The following NRXN3 variants were observed in gnomAD, a reference collection of about 807,000 sequenced individuals.
NRXN3 encodes the protein neurexin 3, also known as neurexin III.
In NRXN3, 32 loss-of-function variants were observed where a neutral mutation model predicts 137.6. The observed-to-expected ratio is 0.23, with a 90% CI of 0.18 to 0.31. The LOEUF is 0.31. Ranked by LOEUF, NRXN3 falls within the 10% of genes least tolerant of loss-of-function variation. NRXN3 has a pLI of 1.00. For missense variants in NRXN3, 1,574 were observed against 2,062.5 expected (o/e 0.76, Z 4.59); for synonymous variants, 798 against 784.5 (o/e 1.02, Z -0.29).
chr14:79,416,991 A>G (rs1216159979), intron 15 of NRXN3, among the ~76,000 whole-genome samples: 1 of 152,190 alleles, frequency 6.6e-6, no homozygotes, highest in African/African-American at 2.4e-5. Flanking sequence ...CTCAGTCTGT[A>G]GTGGAAGGCA....
intron 15 of NRXN3, among the ~76,000 whole-genome samples, chr14:79,321,323 C>A (rs764056899): frequency 6.6e-6 from 1 of 152,094 alleles, no homozygotes; most frequent in Non-Finnish European, 1.5e-5. Context: ...TCTAACTGGA[C>A]CTTTAGTCCA....
At chr14:79,470,951 A>AGAGAGT (rs1214553642) in intron 16 of NRXN3, among the ~76,000 whole-genome samples, 11 of 116,414 alleles carry the variant, frequency 9.4e-5, no homozygotes, top group African/African-American at 3.2e-4. Flanking sequence ...AGAGAGAGAG[A>AGAGAGT]GTGTGTGTGT....
At chr14:78,453,230 T>C (rs1383136735) in intron 4 of NRXN3, among the ~76,000 whole-genome samples, 1 of 152,182 alleles carries the variant, frequency 6.6e-6, no homozygotes, top group East Asian at 1.9e-4. Context: ...AAAGAGAAAT[T>C]TAATTTCCAA....
At chr14:79,116,939 T>G (rs923406916) in intron 15 of NRXN3, among the ~76,000 whole-genome samples, 2 of 152,222 alleles carry the variant, frequency 1.3e-5, no homozygotes, top group Admixed American at 6.5e-5. Flanking sequence ...TTCTGCAACT[T>G]TCATCTCACC....
chr14:78,310,261 T>C (rs2077818828), intron 4 of NRXN3, among the ~76,000 whole-genome samples: 1 of 32,382 alleles, frequency 3.1e-5, no homozygotes, highest in Non-Finnish European at 6.9e-5. Context: ...TATGAATGGC[T>C]TTTTTTTTTT....
chr14:79,218,850 T>A (rs1425700616), intron 15 of NRXN3, among the ~76,000 whole-genome samples: 1 of 152,224 alleles, frequency 6.6e-6, no homozygotes, highest in South Asian at 2.1e-4. Flanking sequence ...TGGGATTTAT[T>A]ATAAATCTCA....
At chr14:78,883,964 A>T (rs1324837529) in intron 10 of NRXN3, among the ~76,000 whole-genome samples, 1 of 152,200 alleles carries the variant, frequency 6.6e-6, no homozygotes, top group Non-Finnish European at 1.5e-5. Context: ...ATAGATTAGT[A>T]ATGGTCAAGT....
chr14:78,473,443 T>A (rs944549788), intron 4 of NRXN3, among the ~76,000 whole-genome samples: 1 of 151,784 alleles, frequency 6.6e-6, no homozygotes, highest in Non-Finnish European at 1.5e-5. Flanking sequence ...TTTGTGAAAC[T>A]TCTTTTTAAT....
chr14:78,362,370 G>A (rs1033951861), intron 4 of NRXN3, among the ~76,000 whole-genome samples: 4 of 151,672 alleles, frequency 2.6e-5, no homozygotes, highest in Non-Finnish European at 4.4e-5. Context: ...CTAGAGATAC[G>A]CATATCTTAA....
chr14:79,418,469 C>G (rs1462430328), intron 15 of NRXN3, among the ~76,000 whole-genome samples: 3 of 152,144 alleles, frequency 2.0e-5, no homozygotes, highest in African/African-American at 7.2e-5. Flanking sequence ...TAACCATCCA[C>G]AGTCATCGAA....
chr14:78,947,797 C>T (rs1171797791), intron 10 of NRXN3, among the ~76,000 whole-genome samples: 1 of 152,108 alleles, frequency 6.6e-6, no homozygotes, highest in East Asian at 1.9e-4. Flanking sequence ...TTCATGGACT[C>T]TAGGTGGGTA....
At chr14:78,938,878 G>GCT (rs1331155949) in intron 10 of NRXN3, among the ~76,000 whole-genome samples, 2 of 121,414 alleles carry the variant, frequency 1.6e-5, no homozygotes, top group Non-Finnish European at 3.4e-5. Flanking sequence ...ATGGAGTCTC[G>GCT]CTGTCGCCCA....
chr14:78,809,972 TATTTCAA>T (rs1397206447), intron 9 of NRXN3, among the ~76,000 whole-genome samples: 1 of 151,688 alleles, frequency 6.6e-6, no homozygotes, highest in Admixed American at 6.6e-5. Context: ...ACAAAATTAA[TATTTCAA>T]AGTCCAGGTT....
chr14:79,128,768 GT>G (rs1355390200), intron 15 of NRXN3, among the ~76,000 whole-genome samples: 3 of 151,990 alleles, frequency 2.0e-5, no homozygotes, highest in Non-Finnish European at 4.4e-5. Flanking sequence ...ATTCCTCCTT[GT>G]ACCTCTGGTA....
intron 19 of NRXN3, among the ~76,000 whole-genome samples, chr14:79,789,689 G>A (rs2099139460): frequency 6.6e-6 from 1 of 152,212 alleles, no homozygotes; most frequent in African/African-American, 2.4e-5. Context: ...GAGTGTAGCA[G>A]TGAGGATGAC....
At chr14:78,284,174 C>T (rs1478670530) in intron 3 of NRXN3, among the ~76,000 whole-genome samples, 1 of 152,156 alleles carries the variant, frequency 6.6e-6, no homozygotes, top group Non-Finnish European at 1.5e-5. Context: ...TTAGGGGAAA[C>T]CTGCCTCCTA....
chr14:79,432,735 A>G (rs2095783752), intron 15 of NRXN3, among the ~76,000 whole-genome samples: 1 of 152,212 alleles, frequency 6.6e-6, no homozygotes, highest in Non-Finnish European at 1.5e-5. Flanking sequence ...TTTCAGGGAT[A>G]GAAATTTAAA....
chr14:79,294,573 G>A (rs2083728647), intron 15 of NRXN3, among the ~76,000 whole-genome samples: 1 of 152,126 alleles, frequency 6.6e-6, no homozygotes, highest in Non-Finnish European at 1.5e-5. Context: ...AAGCATAAAT[G>A]ACTTGATCAG....
At position 79,112,553 on chromosome 14, in the gene NRXN3, C is replaced by T. The variant is rs141108004; in HGVS notation, c.3262+124412C>T. The stretch of plus-strand genomic sequence containing the variant: ...ACACGGGATTAATGTAAAGAACTGG[C>T]ATCTTTGCTGACTTATTCAACAGAC... On this transcript the variant is annotated intron_variant, in intron 15 of 20. Transcript: ENST00000335750. Among the ~76,000 whole-genome samples the T allele has an allele frequency of 1.2e-4, 19 of 152,302 alleles. 1 individual carries two copies. The highest frequency in any genetic ancestry group is 2.0e-4 in the Admixed American group (3 of 15,300).
Sources: allele counts gnomAD v4.1 joint callset (sites outside exome capture counted in the v4.1 genomes callset), GRCh38; gene constraint gnomAD v4.1.1; transcripts MANE v1.5; gene names NCBI Gene and HGNC (gene_info 2026-07-23, HGNC 2026-07-21).